Variants in RNF180 observed in about 807,000 individuals in gnomAD.
The protein encoded by RNF180 is E3 ubiquitin-protein ligase RNF180.
A neutral mutation model predicts 59.2 loss-of-function variants in RNF180; 38 were observed. That is an observed-to-expected ratio of 0.64 (90% CI 0.50 to 0.84). The LOEUF (loss-of-function observed/expected upper bound fraction) is 0.84, where lower values mean the gene tolerates loss of function less well. Among genes scored for constraint, RNF180 ranks in the 40% least tolerant of loss-of-function variants. The pLI, the probability that RNF180 is intolerant of heterozygous loss-of-function variation, is 0.00. For missense variants in RNF180, 705 were observed against 700.9 expected (o/e 1.01, Z -0.07); for synonymous variants, 262 against 240.3 (o/e 1.09, Z -0.84).
chr5:64,312,446 A>G (rs1580229195), intron 5 of RNF180, among the ~76,000 whole-genome samples: 1 of 152,120 alleles, frequency 6.6e-6, no homozygotes, highest in Non-Finnish European at 1.5e-5. Context: ...TGTTAAGCAT[A>G]TATAAAGATA....
intron 7 of RNF180, among the ~76,000 whole-genome samples, chr5:64,368,632 C>G (rs1240906190): frequency 3.3e-5 from 5 of 151,916 alleles, no homozygotes; most frequent in Admixed American, 6.6e-5. Flanking sequence ...CAAACAACCC[C>G]ATCAAAAATG....
At chr5:64,323,517 G>A (rs1002383765) in intron 5 of RNF180, among the ~76,000 whole-genome samples, 4 of 152,084 alleles carry the variant, frequency 2.6e-5, no homozygotes, top group Admixed American at 6.5e-5. Context: ...CAGCCTGGAC[G>A]ACAGAGTAAG....
chr5:64,179,044 C>T (rs778521459), intron 1 of RNF180, among the ~76,000 whole-genome samples: 1 of 152,062 alleles, frequency 6.6e-6, no homozygotes, highest in African/African-American at 2.4e-5. Context: ...TGCTCCTTCC[C>T]CACTCCCCAA....
intron 1 of RNF180, among the ~76,000 whole-genome samples, chr5:64,193,040 G>A (rs897266899): frequency 1.3e-5 from 2 of 150,492 alleles, no homozygotes; most frequent in African/African-American, 4.9e-5. Context: ...AGTCACAGAA[G>A]GGCAAATACA....
At chr5:64,344,370 G>C (rs756633242) in intron 7 of RNF180, among the ~76,000 whole-genome samples, 160 of 152,152 alleles carry the variant, frequency 1.1e-3, no homozygotes, top group Non-Finnish European at 1.8e-3. Context: ...GGCAATAAAA[G>C]AGGCAATTCC....
At chr5:64,333,175 A>G (rs1196977157) in intron 7 of RNF180, among the ~76,000 whole-genome samples, 2 of 152,010 alleles carry the variant, frequency 1.3e-5, no homozygotes, top group Non-Finnish European at 2.9e-5. Context: ...TTTATTTTTT[A>G]CTCATTTATT....
At chr5:64,191,496 G>A (rs971477378) in intron 1 of RNF180, among the ~76,000 whole-genome samples, 1 of 152,166 alleles carries the variant, frequency 6.6e-6, no homozygotes, top group African/African-American at 2.4e-5. Context: ...ACAAGGTGAT[G>A]AGACTGCTAG....
At chr5:64,292,232 A>G (rs1323861268) in intron 5 of RNF180, among the ~76,000 whole-genome samples, 2 of 151,910 alleles carry the variant, frequency 1.3e-5, no homozygotes, top group Non-Finnish European at 2.9e-5. Flanking sequence ...AGTTTTCAGC[A>G]TTTTTGCATT....
At chr5:64,191,696 G>A (rs995569783) in intron 1 of RNF180, among the ~76,000 whole-genome samples, 3 of 152,060 alleles carry the variant, frequency 2.0e-5, no homozygotes, top group Non-Finnish European at 4.4e-5. Context: ...TTTTATATTA[G>A]CACCTTATCT....
At chr5:64,251,592 T>G (rs1743581500) in intron 5 of RNF180, among the ~76,000 whole-genome samples, 1 of 152,116 alleles carries the variant, frequency 6.6e-6, no homozygotes, top group South Asian at 2.1e-4. Flanking sequence ...CTGGCTAATT[T>G]TTTTAATTTT....
At chr5:64,285,356 G>C (rs1006118649) in intron 5 of RNF180, among the ~76,000 whole-genome samples, 1 of 152,194 alleles carries the variant, frequency 6.6e-6, no homozygotes, top group African/African-American at 2.4e-5. Context: ...GCTGGGGTGG[G>C]TAGCAGCACT....
At chr5:64,261,178 G>A (rs1017573331) in intron 5 of RNF180, among the ~76,000 whole-genome samples, 5 of 152,194 alleles carry the variant, frequency 3.3e-5, no homozygotes, top group East Asian at 1.9e-4. Context: ...TCATATCTAC[G>A]TACAACATCA....
intron 5 of RNF180, among the ~76,000 whole-genome samples, chr5:64,324,505 ATC>A (rs1744533407): frequency 6.6e-6 from 1 of 152,198 alleles, no homozygotes; most frequent in African/African-American, 2.4e-5. Context: ...TTTTCTCATC[ATC>A]GTTATAACAA....
chr5:64,176,785 C>T (rs182645731), intron 1 of RNF180, among the ~76,000 whole-genome samples: 7 of 152,252 alleles, frequency 4.6e-5, no homozygotes, highest in Admixed American at 4.6e-4. Flanking sequence ...AGCTTTAAAA[C>T]ATCCTTGGTA....
rs140985041 is a variant in RNF180 at position 64,204,588 on chromosome 5, G to A, written c.135+3646G>A. ...TGTTCTAAATACCAACCTTTTTTTG[G>A]TTATTGTATTGCAACTATTTTTTTC... On this transcript the variant is annotated intron_variant, in intron 2 of 7. Coordinates refer to ENST00000389100, the MANE Select transcript of RNF180 (RefSeq NM_001113561.2). Among the ~76,000 whole-genome samples the A allele has an allele frequency of 3.4e-3, 515 of 151,846 alleles. 1 individual carries two copies. The highest frequency in any genetic ancestry group is 0.011 in the African/African-American group (467 of 41,400).
chr5:64,297,176 C>T (rs1403153860), intron 5 of RNF180, among the ~76,000 whole-genome samples: 2 of 151,904 alleles, frequency 1.3e-5, no homozygotes, highest in African/African-American at 4.8e-5. Flanking sequence ...ATTAAATGGT[C>T]ATATATGCTA....
chr5:64,255,487 A>T (rs1264088592), intron 5 of RNF180, among the ~76,000 whole-genome samples: 1 of 152,112 alleles, frequency 6.6e-6, no homozygotes, highest in African/African-American at 2.4e-5. Flanking sequence ...GCTGAGAATG[A>T]TGGTTTCCAG....
chr5:64,210,426 C>G (rs1456841694), intron 2 of RNF180, among the ~76,000 whole-genome samples: 1 of 152,014 alleles, frequency 6.6e-6, no homozygotes, highest in Non-Finnish European at 1.5e-5. Context: ...AGTTTGGAAC[C>G]CTAGGATTAT....
At chr5:64,321,867 C>CACACA (rs1744369322) in intron 5 of RNF180, among the ~76,000 whole-genome samples, 1 of 152,178 alleles carries the variant, frequency 6.6e-6, no homozygotes, top group Non-Finnish European at 1.5e-5. Context: ...ACATCTACAA[C>CACACA]CATCTGATCT....
Sources: allele counts gnomAD v4.1 joint callset (sites outside exome capture counted in the v4.1 genomes callset), GRCh38; gene constraint gnomAD v4.1.1; transcripts MANE v1.5; gene names NCBI Gene and HGNC (gene_info 2026-07-23, HGNC 2026-07-21).